The following TMEM50B variants were observed in gnomAD, a reference collection of about 807,000 sequenced individuals.
TMEM50B encodes HCV p7-trans-regulated protein 3.
Under a neutral mutation model 23.4 loss-of-function variants are expected in TMEM50B, and 14 were observed. That is an observed-to-expected ratio of 0.60 (90% CI 0.39 to 0.93). The LOEUF (loss-of-function observed/expected upper bound fraction) is 0.93, where lower values mean the gene tolerates loss of function less well. Among genes scored for constraint, TMEM50B ranks in the 40% least tolerant of loss-of-function variants. The pLI is 0.00. For synonymous variants in TMEM50B, 64 were observed against 62.3 expected (o/e 1.03, Z -0.13); for missense variants, 159 against 193.0 (o/e 0.82, Z 1.04).
At chr21:33,440,206 G>A (rs2083995527) in intron 7 of TMEM50B, among the ~76,000 whole-genome samples, 1 of 152,028 alleles carries the variant, frequency 6.6e-6, no homozygotes, top group African/African-American at 2.4e-5. Context: ...TTTACATCTT[G>A]GAATAGTTAA....
intron 1 of TMEM50B, among the ~76,000 whole-genome samples, chr21:33,474,890 C>A (rs772927716): frequency 4.1e-5 from 5 of 121,808 alleles, no homozygotes; most frequent in Non-Finnish European, 8.7e-5. Flanking sequence ...AGGACAGAGG[C>A]TACCTCTGGA....
downstream of TMEM50B, among the ~76,000 whole-genome samples, chr21:33,445,787 A>C (rs537078457): frequency 1.5e-5 from 2 of 135,796 alleles, no homozygotes; most frequent in East Asian, 3.9e-4. Flanking sequence ...ACTCTGTCTC[A>C]AAAAAAAAAG....
At chr21:33,444,066 A>G (rs1337137770) in intron 7 of TMEM50B, among the ~76,000 whole-genome samples, 2 of 152,028 alleles carry the variant, frequency 1.3e-5, no homozygotes, top group African/African-American at 4.8e-5. Context: ...ACGCCTGGCT[A>G]ATTTTTGTAT....
intron 8 of TMEM50B, among the ~76,000 whole-genome samples, chr21:33,438,791 G>A (rs575677002): frequency 6.6e-6 from 1 of 151,774 alleles, no homozygotes; most frequent in African/African-American, 2.4e-5. Context: ...GCGCAGTGGC[G>A]CGATCTCAGC....
rs982161409 is a variant in TMEM50B at position 33,463,892 on chromosome 21, T to C, written c.280+1450A>G. 2.0e-5 allele frequency among the ~76,000 whole-genome samples: 3 copies of C among 152,304 alleles called. No individual in the cohort carries two copies. In the South Asian group the frequency reaches 6.2e-4, roughly 32 times the overall value. On this transcript the variant is annotated intron_variant, in intron 4 of 6. Coordinates refer to ENST00000542230, the MANE Select transcript of TMEM50B (RefSeq NM_006134.7). ...AAGATCATGCCACTGCACTCCAGCC[T>C]GGGTGGCAGAGTGAGACTCCGTCTC... is the stretch of plus-strand genomic sequence containing the variant.
chr21:33,479,612 G>T (rs970642108), intron 1 of TMEM50B, among the ~76,000 whole-genome samples: 1 of 152,200 alleles, frequency 6.6e-6, no homozygotes, highest in Non-Finnish European at 1.5e-5. Context: ...CCACGGTCAC[G>T]GTCGGCCCGA....
intron 1 of TMEM50B, among the ~76,000 whole-genome samples, chr21:33,476,097 T>C (rs996240961): frequency 6.6e-6 from 1 of 152,178 alleles, no homozygotes; most frequent in Non-Finnish European, 1.5e-5. Context: ...CCTCTAAATA[T>C]AAAAGAATAT....
At chr21:33,471,154 G>T (rs1266798605) in intron 1 of TMEM50B, among the ~76,000 whole-genome samples, 1 of 152,148 alleles carries the variant, frequency 6.6e-6, no homozygotes, top group East Asian at 1.9e-4. Context: ...GAGACATTTT[G>T]GAATTTTCAT....
chr21:33,467,353 A>G (rs1171239692), intron 2 of TMEM50B, among the ~76,000 whole-genome samples: 1 of 152,132 alleles, frequency 6.6e-6, no homozygotes, highest in East Asian at 1.9e-4. Flanking sequence ...GGCCGGGCGC[A>G]GTGCTGACAT....
chr21:33,456,262 C>A (rs1428726391), intron 5 of TMEM50B, among the ~76,000 whole-genome samples: 3 of 152,144 alleles, frequency 2.0e-5, no homozygotes, highest in African/African-American at 4.8e-5. Context: ...CTGACAGGCA[C>A]AATCATAGCA....
intron 5 of TMEM50B, among the ~76,000 whole-genome samples, chr21:33,457,727 T>C (rs1019338444): frequency 2.6e-5 from 4 of 151,094 alleles, no homozygotes; most frequent in African/African-American, 7.3e-5. Context: ...CTTACAGAAA[T>C]GGCAATTTAT....
intron 4 of TMEM50B, among the ~76,000 whole-genome samples, chr21:33,461,695 T>C (rs911654480): frequency 4.0e-5 from 6 of 151,856 alleles, no homozygotes; most frequent in Admixed American, 3.9e-4. Context: ...GTCCCAGCTA[T>C]TCAAGAGGCT....
intron 6 of TMEM50B, among the ~76,000 whole-genome samples, chr21:33,454,733 C>T (rs896642720): frequency 7.9e-5 from 12 of 152,026 alleles, no homozygotes; most frequent in African/African-American, 2.9e-4. Flanking sequence ...TAATAAGACA[C>T]AGGCTATGGA....
In TMEM50B at chr21:33,465,340, A is replaced by C. The variant is rs2123444355; in HGVS notation, c.280+2T>G. The C allele has an allele frequency of 6.2e-7, 1 of 1,612,482 alleles. No individual in the cohort carries two copies. The highest frequency in any genetic ancestry group is 2.2e-5 in the East Asian group (1 of 44,798). On this transcript the variant is annotated splice_donor_variant, in intron 4 of 6. Transcript: ENST00000542230. LOFTEE classifies it high-confidence loss of function. ...CCCATTAACAGCTCAAAGTATCTTT[A>C]CCTGTTCTTCCTAAACAGCCGCTTT...
chr21:33,469,082 A>G (rs1372289352), intron 1 of TMEM50B, among the ~76,000 whole-genome samples, 156 bp from the exon 2 acceptor site: 1 of 152,158 alleles, frequency 6.6e-6, no homozygotes, highest in African/African-American at 2.4e-5. Context: ...TACCTAATTG[A>G]GATGTATATA....
At chr21:33,463,917 C>CA (rs909393557) in intron 4 of TMEM50B, among the ~76,000 whole-genome samples, 3 of 151,572 alleles carry the variant, frequency 2.0e-5, no homozygotes, top group South Asian at 2.1e-4. Context: ...GACTCCGTCT[C>CA]AAAAAAAATT....
chr21:33,464,534 G>T (rs1165420211), intron 4 of TMEM50B, among the ~76,000 whole-genome samples: 1 of 147,588 alleles, frequency 6.8e-6, no homozygotes, highest in Non-Finnish European at 1.5e-5. Context: ...GGCCGGGCTC[G>T]GTGGCTCACT....
intron 6 of TMEM50B, among the ~76,000 whole-genome samples, chr21:33,453,407 G>A (rs184712193): frequency 1.1e-3 from 171 of 151,992 alleles, no homozygotes; most frequent in Middle Eastern, 3.4e-3. Context: ...ATTTTAAAAT[G>A]TAACAATAGA....
chr21:33,473,409 C>T (rs2084336087), intron 1 of TMEM50B, among the ~76,000 whole-genome samples: 1 of 146,528 alleles, frequency 6.8e-6, no homozygotes, highest in Non-Finnish European at 1.5e-5. Context: ...GCTGAGATCG[C>T]ACCACTGCAC....
Sources: allele counts gnomAD v4.1 joint callset (sites outside exome capture counted in the v4.1 genomes callset), GRCh38; gene constraint gnomAD v4.1.1; transcripts MANE v1.5; gene names NCBI Gene and HGNC (gene_info 2026-07-23, HGNC 2026-07-21).